MYL1: variants seen among roughly 807,000 people sequenced by gnomAD.
MYL1 encodes myosin light chain 1/3, skeletal muscle isoform.
In MYL1, 16 loss-of-function variants were observed where a neutral mutation model predicts 21.8. That is an observed-to-expected ratio of 0.74 (90% confidence interval 0.50 to 1.12). The LOEUF (loss-of-function observed/expected upper bound fraction) is 1.12, where lower values mean the gene tolerates loss of function less well. Ranked by LOEUF, MYL1 falls within the 50% of genes most tolerant of loss-of-function variation. The probability of loss-of-function intolerance (pLI) is 0.00; values close to 1 mark genes in which losing one functional copy is unlikely to be tolerated. For synonymous variants in MYL1, 99 were observed against 85.2 expected, an observed-to-expected ratio of 1.16 and a Z score of -0.89; for missense variants, 246 against 241.0, an observed-to-expected ratio of 1.02 and a Z score of -0.14.
At chr2:210,293,985 A>T (rs1575701766) in intron 4 of MYL1, among the ~76,000 whole-genome samples, 185 bp from the exon 5 acceptor site, 1 of 152,318 alleles carries the variant, frequency 6.6e-6, no homozygotes, top group South Asian at 2.1e-4. Context: ...TTAAATACAC[A>T]TTATCTGTTG....
intron 3 of MYL1, among the ~76,000 whole-genome samples, chr2:210,296,029 A>G (rs182526120): frequency 1.1e-3 from 173 of 152,196 alleles, no homozygotes; most frequent in African/African-American, 3.4e-3. Context: ...AGAATTTTCA[A>G]CTGTCAAGGG....
At position 210,315,036 on chromosome 2, in the gene MYL1, G is replaced by A; in HGVS notation, c.7C>T (p.Pro3Ser). ...ACAGGTTTCTTCACGTCTTTCTTTGGTGCCATTTTTTTTTTTAAAAGGGTG... is the reference window on the plus strand; with the variant it reads ...ACAGGTTTCTTCACGTCTTTCTTTGATGCCATTTTTTTTTTTAAAAGGGTG... MA[P>S]KKDVKKPVAA... Residue 3 changes from proline (P) to serine (S), a missense_variant, in exon 1 of 7, where the codon CCA becomes TCA. Physicochemically the swap from Pro to Ser is moderately conservative, Grantham distance 74 (BLOSUM62 -1). Coordinates refer to ENST00000352451, the MANE Select transcript of MYL1 (RefSeq NM_079420.3). 1 of 1,593,588 alleles carries A rather than the reference G, an allele frequency of 6.3e-7. No individual in the cohort carries two copies. Among genetic ancestry groups the A allele is most frequent in the Non-Finnish European group, 8.5e-7 (1 of 1,174,920 alleles).
chr2:210,313,425 G>A lies in MYL1; in HGVS notation c.132+1486C>T, dbSNP rs982408655. On this transcript the variant is annotated intron_variant, in intron 1 of 6. Coordinates refer to ENST00000352451, the MANE Select transcript of MYL1 (RefSeq NM_079420.3). ...TCTCACTTATTGTGTAATGTAGACAGTATGCATCTATAAAGGATACATTAA... is the reference window on the plus strand; with the variant it reads ...TCTCACTTATTGTGTAATGTAGACAATATGCATCTATAAAGGATACATTAA... Among the ~76,000 whole-genome samples, 6 of 151,974 alleles carry A rather than the reference G, an allele frequency of 3.9e-5. No homozygotes were observed. In the South Asian group the frequency reaches 1.2e-3, roughly 31 times the overall value.
At chr2:210,304,955 C>G (rs570550318) in intron 1 of MYL1, among the ~76,000 whole-genome samples, 2 of 152,304 alleles carry the variant, frequency 1.3e-5, no homozygotes, top group African/African-American at 4.8e-5. Flanking sequence ...AAAAGTGGTA[C>G]AGGAAAAGAT....
At chr2:210,313,648 A>C (rs1456895868) in intron 1 of MYL1, among the ~76,000 whole-genome samples, 1 of 152,038 alleles carries the variant, frequency 6.6e-6, no homozygotes, top group Non-Finnish European at 1.5e-5. Flanking sequence ...TACAAACTAA[A>C]GATTAAATAT....
At chr2:210,300,924 T>C (rs1348271394) in intron 2 of MYL1, among the ~76,000 whole-genome samples, 2 of 152,134 alleles carry the variant, frequency 1.3e-5, no homozygotes, top group Non-Finnish European at 2.9e-5. Context: ...CTATAGTTTT[T>C]CCACATAATT....
Position 210,302,477 on chromosome 2 carries a change from T to G in MYL1, c.160+11A>C. On this transcript the variant is annotated intron_variant, in intron 2 of 6. Transcript: ENST00000352451. ...GTGTGCACATTTAAGAACCATAGCT[T>G]TTAAACTTACCATCCTGCTGTTCCT... 6.2e-7 allele frequency: 1 copy of G among 1,607,418 alleles called. No homozygotes were observed. The highest frequency in any genetic ancestry group is 8.5e-7 in the Non-Finnish European group (1 of 1,177,796).
chr2:210,295,735 G>T (rs1203816471), intron 3 of MYL1, among the ~76,000 whole-genome samples: 5 of 151,472 alleles, frequency 3.3e-5, no homozygotes, highest in African/African-American at 1.2e-4. Context: ...GCTAAGGCAG[G>T]ATTGCTTGAG....
chr2:210,302,526 G>C lies in MYL1; in HGVS notation c.133-11C>G, dbSNP rs748475681. 3 of 1,608,766 alleles carry C rather than the reference G, an allele frequency of 1.9e-6. No homozygotes were observed. Among genetic ancestry groups the C allele is most frequent in the Non-Finnish European group, 2.5e-6 (3 of 1,178,468 alleles). ...CTTAGAGAACTCGATCTGTTAGAAA[G>C]AAATTGACCACAAAGAATGTTTTAA... is the stretch of plus-strand genomic sequence containing the variant. On this transcript the variant is annotated splice_polypyrimidine_tract_variant and intron_variant, in intron 1 of 6. Transcript: ENST00000352451.
intron 2 of MYL1, 114 bp downstream of exon 2, chr2:210,302,374 G>A: frequency 1.1e-6 from 1 of 894,162 alleles, no homozygotes; most frequent in Non-Finnish European, 1.6e-6. Context: ...TATTCAGAAT[G>A]GCAACACCAG....
At chr2:210,292,696 C>A (rs990295802) in intron 5 of MYL1, among the ~76,000 whole-genome samples, 1 of 152,058 alleles carries the variant, frequency 6.6e-6, no homozygotes, top group Non-Finnish European at 1.5e-5. Flanking sequence ...AAAAACGTAA[C>A]CACTCCAAAG....
chr2:210,302,025 G>A (rs1439778250), intron 2 of MYL1, among the ~76,000 whole-genome samples: 11 of 151,820 alleles, frequency 7.2e-5, no homozygotes, highest in Non-Finnish European at 1.3e-4. Flanking sequence ...ATTCATTTTT[G>A]TTCTACAACT....
chr2:210,294,123 A>AT (rs879843700), intron 4 of MYL1, 122 bp downstream of exon 4: 1,555 of 1,061,074 alleles, frequency 1.5e-3, no homozygotes, highest in South Asian at 1.8e-3. Context: ...ACTTTTGACT[A>AT]TTTTTTTTTC....
intron 1 of MYL1, among the ~76,000 whole-genome samples, chr2:210,305,493 A>T (rs1287175593): frequency 6.6e-6 from 1 of 152,068 alleles, no homozygotes; most frequent in Non-Finnish European, 1.5e-5. Context: ...AGAGCCTACC[A>T]TGTTATCTTT....
At chr2:210,313,258 A>G (rs1163961458) in intron 1 of MYL1, among the ~76,000 whole-genome samples, 2 of 151,954 alleles carry the variant, frequency 1.3e-5, no homozygotes, top group African/African-American at 4.8e-5. Flanking sequence ...GAAGTTTGTA[A>G]TACCAGATAC....
intron 1 of MYL1, among the ~76,000 whole-genome samples, chr2:210,304,901 T>C (rs1310235325): frequency 6.6e-6 from 1 of 152,204 alleles, no homozygotes; most frequent in African/African-American, 2.4e-5. Context: ...CATGGTAGCT[T>C]ACCTGAAAAT....
intron 2 of MYL1, among the ~76,000 whole-genome samples, chr2:210,300,555 G>T (rs550024596): frequency 6.6e-6 from 1 of 151,994 alleles, no homozygotes; most frequent in African/African-American, 2.4e-5. Context: ...GAAAAAGTTC[G>T]CTAACTTCTG....
rs979362012 is a variant in MYL1 at position 210,302,627 on chromosome 2, C to T, written c.133-112G>A. The T allele has an allele frequency of 4.0e-6, 6 of 1,485,102 alleles. No individual in the cohort carries two copies. In the African/African-American group the frequency reaches 4.2e-5, roughly 10 times the overall value. The allele number at this position is 1,485,102 out of a possible 1,614,324, so 92.0% of individuals were successfully genotyped here. A position where few individuals can be genotyped will look rare whatever the true frequency, so the allele number is the denominator to read the frequency against. On this transcript the variant is annotated intron_variant, in intron 1 of 6. Transcript: ENST00000352451. The stretch of plus-strand genomic sequence containing the variant: ...AATCTTCAAAGTAAGCTCCAAAAGT[C>T]AGCCTACTTTTCAGAGTTCAGGCGT...
intron 1 of MYL1, among the ~76,000 whole-genome samples, chr2:210,306,800 C>T (rs1690346969): frequency 6.6e-6 from 1 of 151,882 alleles, no homozygotes; most frequent in Non-Finnish European, 1.5e-5. Context: ...TCACTGCAAC[C>T]TCTGCCTCCC....
Sources: allele counts gnomAD v4.1 joint callset (sites outside exome capture counted in the v4.1 genomes callset), GRCh38; gene constraint gnomAD v4.1.1; transcripts MANE v1.5; gene names NCBI Gene and HGNC (gene_info 2026-07-23, HGNC 2026-07-21).